LRRC4C: variants seen among roughly 807,000 people sequenced by gnomAD.
LRRC4C encodes the protein leucine-rich repeat-containing protein 4C.
Under a neutral mutation model 33.6 loss-of-function variants are expected in LRRC4C, and 5 were observed. The observed-to-expected ratio is 0.15, with a 90% CI of 0.08 to 0.31. The LOEUF (loss-of-function observed/expected upper bound fraction) is 0.31. Ranked by LOEUF, LRRC4C falls within the 10% of genes least tolerant of loss-of-function variation. The pLI, the probability that LRRC4C is intolerant of heterozygous loss-of-function variation, is 1.00. For synonymous variants in LRRC4C, 329 were observed against 302.0 expected, an observed-to-expected ratio of 1.09 and a Z score of -0.93; for missense variants, 560 against 796.7, an observed-to-expected ratio of 0.70 and a Z score of 3.58.
intron 2 of LRRC4C, among the ~76,000 whole-genome samples, chr11:40,927,736 T>C (rs1957458738): frequency 6.6e-6 from 1 of 151,806 alleles, no homozygotes; most frequent in African/African-American, 2.4e-5. Flanking sequence ...TTGATTAAAA[T>C]ATAATTTCTA....
At chr11:41,273,860 T>C (rs892930453) in intron 1 of LRRC4C, among the ~76,000 whole-genome samples, 1 of 152,164 alleles carries the variant, frequency 6.6e-6, no homozygotes, top group Non-Finnish European at 1.5e-5. Flanking sequence ...CTCATCAAAA[T>C]ATATACATTA....
intron 5 of LRRC4C, among the ~76,000 whole-genome samples, chr11:40,233,880 A>AAT (rs1381401747): frequency 1.3e-5 from 2 of 152,206 alleles, no homozygotes; most frequent in Non-Finnish European, 2.9e-5. Context: ...TAGGTATATG[A>AAT]ATAATAAGAG....
intron 2 of LRRC4C, among the ~76,000 whole-genome samples, chr11:40,767,779 T>A (rs1949544446): frequency 6.6e-6 from 1 of 151,806 alleles, no homozygotes; most frequent in Non-Finnish European, 1.5e-5. Flanking sequence ...ACAATAAAAA[T>A]GAAAATGCAA....
chr11:40,199,363 G>A (rs1292397776), intron 5 of LRRC4C, among the ~76,000 whole-genome samples: 5 of 152,166 alleles, frequency 3.3e-5, no homozygotes, highest in South Asian at 4.1e-4. Context: ...GAACCACTGC[G>A]CCCAGCCTGG....
At chr11:40,923,391 A>G (rs10837526) in intron 2 of LRRC4C, among the ~76,000 whole-genome samples, 149,728 of 152,276 alleles carry the variant, frequency 0.98, 73,675 homozygotes, top group East Asian at 1. Context: ...TCTACTTTCC[A>G]ATTATTTTGA....
intron 5 of LRRC4C, among the ~76,000 whole-genome samples, chr11:40,182,055 T>C (rs1861050429): frequency 6.6e-6 from 1 of 152,234 alleles, no homozygotes; most frequent in South Asian, 2.1e-4. Context: ...TGATTCAGAA[T>C]GAGGTAAACC....
chr11:40,334,657 TATATACATAC>T (rs1946516058), intron 3 of LRRC4C, among the ~76,000 whole-genome samples: 1 of 152,176 alleles, frequency 6.6e-6, no homozygotes, highest in East Asian at 1.9e-4. Context: ...AATACATAAA[TATATACATAC>T]ATATGCATAT....
intron 1 of LRRC4C, among the ~76,000 whole-genome samples, chr11:40,996,420 G>T (rs529861756): frequency 6.6e-6 from 1 of 152,204 alleles, no homozygotes; most frequent in South Asian, 2.1e-4. Context: ...CTCACTGATG[G>T]TTCTTATCTG....
rs148743378 is a variant in LRRC4C, at chr11:41,186,299, A to C, written c.-495-252576T>G. Among the ~76,000 whole-genome samples the C allele has an allele frequency of 5.3e-5, 8 of 152,330 alleles. No homozygotes were observed. In the East Asian group the frequency reaches 1.5e-3, roughly 29 times the overall value. On this transcript the variant is annotated intron_variant, in intron 1 of 6. Transcript: ENST00000528697. ...ATATGCCTCAGTAGAGAAGTGGTTAAGTATATTGAAGGCAGCAACCAATAA... is the reference window on the plus strand; with the variant it reads ...ATATGCCTCAGTAGAGAAGTGGTTACGTATATTGAAGGCAGCAACCAATAA...
At chr11:40,466,636 T>C (rs1952666933) in intron 3 of LRRC4C, among the ~76,000 whole-genome samples, 1 of 151,882 alleles carries the variant, frequency 6.6e-6, no homozygotes, top group African/African-American at 2.4e-5. Flanking sequence ...GAGATATGAA[T>C]TAACTTGACG....
intron 1 of LRRC4C, among the ~76,000 whole-genome samples, chr11:41,078,802 T>C (rs1939348138): frequency 6.6e-6 from 1 of 152,170 alleles, no homozygotes; most frequent in Non-Finnish European, 1.5e-5. Flanking sequence ...CTTCATGTGC[T>C]CTATGCAGTC....
At chr11:40,843,999 T>C (rs946939940) in intron 2 of LRRC4C, among the ~76,000 whole-genome samples, 3 of 152,146 alleles carry the variant, frequency 2.0e-5, no homozygotes, top group African/African-American at 7.2e-5. Context: ...CTTTGAAAGA[T>C]GCAGATAAAT....
intron 3 of LRRC4C, among the ~76,000 whole-genome samples, chr11:40,420,057 G>T (rs1480718907): frequency 6.6e-6 from 1 of 152,202 alleles, no homozygotes; most frequent in African/African-American, 2.4e-5. Flanking sequence ...AACACCTGGG[G>T]CATTCTAGCA....
At chr11:40,158,212 A>G (rs953223920) in intron 5 of LRRC4C, among the ~76,000 whole-genome samples, 1 of 152,186 alleles carries the variant, frequency 6.6e-6, no homozygotes, top group African/African-American at 2.4e-5. Flanking sequence ...GAGCTAAGCT[A>G]TGAGGACACA....
chr11:40,831,043 G>A (rs1952389871), intron 2 of LRRC4C, among the ~76,000 whole-genome samples: 1 of 152,058 alleles, frequency 6.6e-6, no homozygotes, highest in Admixed American at 6.6e-5. Flanking sequence ...ACTTTACTTA[G>A]TTGTTATCTA....
chr11:41,196,854 T>A (rs896876379), intron 1 of LRRC4C, among the ~76,000 whole-genome samples: 6 of 152,086 alleles, frequency 3.9e-5, no homozygotes, highest in Non-Finnish European at 8.8e-5. Context: ...ATCTAATTAA[T>A]TTTTAGTAAC....
chr11:41,187,709 G>A (rs1208308413), intron 1 of LRRC4C, among the ~76,000 whole-genome samples: 1 of 152,176 alleles, frequency 6.6e-6, no homozygotes, highest in Non-Finnish European at 1.5e-5. Flanking sequence ...CCTACAGATG[G>A]CAAAACTAAA....
chr11:41,354,213 G>A (rs546132513), intron 1 of LRRC4C, among the ~76,000 whole-genome samples: 1 of 152,008 alleles, frequency 6.6e-6, no homozygotes, highest in South Asian at 2.1e-4. Context: ...AAATTCAGTA[G>A]CATTATACAC....
chr11:40,720,109 ATGT>A (rs1946938685), intron 2 of LRRC4C, among the ~76,000 whole-genome samples: 3 of 152,002 alleles, frequency 2.0e-5, no homozygotes, highest in African/African-American at 7.2e-5. Context: ...CCCAGGACTC[ATGT>A]TTCTTTTCCC....
Sources: allele counts gnomAD v4.1 joint callset (sites outside exome capture counted in the v4.1 genomes callset), GRCh38; gene constraint gnomAD v4.1.1; transcripts MANE v1.5; gene names NCBI Gene and HGNC (gene_info 2026-07-23, HGNC 2026-07-21).